Variants in TKT observed in about 807,000 individuals in gnomAD.
TKT encodes the protein transketolase.
Under a neutral mutation model 63.9 loss-of-function variants are expected in TKT, and 47 were observed. That is an observed-to-expected ratio of 0.74 (90% CI 0.58 to 0.94). The LOEUF (loss-of-function observed/expected upper bound fraction) is 0.94. Among genes scored for constraint, TKT ranks in the 40% least tolerant of loss-of-function variants. TKT has a pLI of 0.00. For synonymous variants in TKT, 338 were observed against 334.1 expected, an observed-to-expected ratio of 1.01 and a Z score of -0.13; for missense variants, 721 against 846.2, an observed-to-expected ratio of 0.85 and a Z score of 1.84.
chr3:53,230,766 G>A (rs1455746836), intron 7 of TKT, 145 bp from the exon 8 acceptor site: 51 of 1,007,142 alleles, frequency 5.1e-5, no homozygotes, highest in Non-Finnish European at 6.8e-5. Context: ...GCTTTTAACT[G>A]CTGAAAGGTT....
chr3:53,244,649 T>G (rs542195191), intron 1 of TKT, among the ~76,000 whole-genome samples: 1 of 152,242 alleles, frequency 6.6e-6, no homozygotes, highest in East Asian at 1.9e-4. Flanking sequence ...TAGCGGGCCT[T>G]TGGGGCCAAA....
intron 1 of TKT, among the ~76,000 whole-genome samples, chr3:53,249,501 GAACCT>G (rs1315210542): frequency 2.6e-5 from 4 of 152,000 alleles, no homozygotes; most frequent in Non-Finnish European, 2.9e-5. Context: ...AAAATCGCTT[GAACCT>G]AGGATGTGGA....
chr3:53,239,808 C>T (rs1705192179), intron 4 of TKT, among the ~76,000 whole-genome samples: 1 of 152,228 alleles, frequency 6.6e-6, no homozygotes, highest in Non-Finnish European at 1.5e-5. Context: ...AACATACAAC[C>T]CTCCCCTTTA....
At chr3:53,252,330 A>AGACT (rs1172079666) in intron 1 of TKT, among the ~76,000 whole-genome samples, 1 of 152,230 alleles carries the variant, frequency 6.6e-6, no homozygotes, top group Non-Finnish European at 1.5e-5. Flanking sequence ...AAGAAACAGA[A>AGACT]GACTACCTGT....
At chr3:53,236,908 A>G (rs1415335604) in intron 4 of TKT, among the ~76,000 whole-genome samples, 1 of 152,198 alleles carries the variant, frequency 6.6e-6, no homozygotes. Flanking sequence ...CTGAGCTGTT[A>G]GAGTTAGGGG....
At chr3:53,233,804 T>C (rs1704881780) in intron 5 of TKT, 2 of 152,282 alleles carry the variant, frequency 1.3e-5, no homozygotes, top group Admixed American at 6.5e-5. Flanking sequence ...TTTTGGGGAC[T>C]CTTTTTGACA....
At chr3:53,232,990 A>AGCCACAG in intron 6 of TKT, 166 bp downstream of exon 6, 1 of 616,462 alleles carries the variant, frequency 1.6e-6, no homozygotes, top group South Asian at 2.0e-5. Flanking sequence ...ATCCTGGCTC[A>AGCCACAG]GCCACAGGGG....
At position 53,228,138 on chromosome 3, in the gene TKT, C is replaced by T; in HGVS notation, c.1491G>A (p.Lys497=). The T allele has an allele frequency of 6.2e-7, 1 of 1,614,088 alleles. No homozygotes were observed. Residue 497 remains lysine (K), a synonymous_variant, in exon 12 of 14, where the codon AAG becomes AAA. Coordinates refer to ENST00000462138, the MANE Select transcript of TKT (RefSeq NM_001064.4). ...FQVGQAKVVL[K]SKDDQVTVIG... is the part of the protein sequence containing the mutation. ...TAACGGTCACCTGGTCATCCTTGCT[C>T]TTCAGGACCACCTGGGGGTGACACA...
At chr3:53,247,934 T>C (rs539928444) in intron 1 of TKT, among the ~76,000 whole-genome samples, 1 of 152,192 alleles carries the variant, frequency 6.6e-6, no homozygotes, top group Admixed American at 6.6e-5. Flanking sequence ...TACAAGCTCC[T>C]TGAGGACAGA....
At chr3:53,255,762 C>T in intron 1 of TKT, 74 bp downstream of exon 1, 1 of 1,040,076 alleles carries the variant, frequency 9.6e-7, no homozygotes. Context: ...ACCCAGAGCC[C>T]GCGGCGACTC....
At chr3:53,232,041 G>A (rs1704788101) in intron 6 of TKT, 2 of 302,802 alleles carry the variant, frequency 6.6e-6, no homozygotes, top group South Asian at 1.4e-4. Flanking sequence ...AGCAGCAGAG[G>A]AGTCTATAAG....
chr3:53,243,980 C>T (rs1307402151), intron 1 of TKT, among the ~76,000 whole-genome samples: 1 of 152,048 alleles, frequency 6.6e-6, no homozygotes, highest in East Asian at 1.9e-4. Context: ...GTCCCATTGG[C>T]CACCAGAAGG....
chr3:53,231,510 G>T lies in TKT; in HGVS notation c.789C>A (p.Pro263=). The T allele has an allele frequency of 6.2e-7, 1 of 1,614,120 alleles. No individual in the cohort carries two copies. Among genetic ancestry groups the T allele is most frequent in the Non-Finnish European group, 8.5e-7 (1 of 1,180,004 alleles). ...GGATGATCTGCTCAGCCATGTTTTT[G>T]GGGAGGGGCTTCCCATGCCAAGACT... ...DKESWHGKPL[P]KNMAEQIIQE... The change falls in exon 7 of 14, where the codon CCC becomes CCA. Residue 263 remains proline (P), a synonymous_variant. Coordinates refer to ENST00000462138, the MANE Select transcript of TKT (RefSeq NM_001064.4).
intron 1 of TKT, among the ~76,000 whole-genome samples, 165 bp downstream of exon 1, chr3:53,255,671 G>C (rs961723566): frequency 8.5e-5 from 13 of 152,102 alleles, no homozygotes; most frequent in African/African-American, 3.1e-4. Context: ...GCCGCCTGCA[G>C]CCCGGGGCCC....
In TKT at chr3:53,249,624, A is replaced by G. The variant is rs955741962; in HGVS notation, c.107+6212T>C. On this transcript the variant is annotated intron_variant, in intron 1 of 13. Transcript: ENST00000462138. ...GAAGAAAAAGGTGCTAGGAGAGCTC[A>G]GTAGAGGAAGTTCTTGGGCGTCCAC... Among the ~76,000 whole-genome samples the G allele has an allele frequency of 3.9e-5, 6 of 152,286 alleles. No individual in the cohort carries two copies. In the East Asian group the frequency reaches 1.2e-3, roughly 30 times the overall value.
In TKT at chr3:53,228,914, CT is replaced by C. The variant is rs547520643; in HGVS notation, c.1395+92del. ...CAGGGGCAAGGTCAGGAAACACCCCCTGGGGCAGCAAGTGACCAGCTCTGGC... is the reference window on the plus strand; with the variant it reads ...CAGGGGCAAGGTCAGGAAACACCCCCGGGGCAGCAAGTGACCAGCTCTGGC... On this transcript the variant is annotated intron_variant, in intron 10 of 13. Transcript: ENST00000462138. 211 of 1,548,090 alleles carry C rather than the reference CT, an allele frequency of 1.4e-4. 9 individuals are homozygous for C. In the South Asian group the frequency reaches 2.5e-3, roughly 19 times the overall value.
chr3:53,252,035 G>A (rs2106733622), intron 1 of TKT, among the ~76,000 whole-genome samples: 1 of 152,336 alleles, frequency 6.6e-6, no homozygotes, highest in East Asian at 1.9e-4. Flanking sequence ...AGCTACTTGG[G>A]AGGCTGAGGC....
intron 6 of TKT, chr3:53,231,767 C>T: frequency 1.8e-6 from 1 of 560,896 alleles, no homozygotes; most frequent in Non-Finnish European, 3.1e-6. Context: ...CTGTCTACTG[C>T]CTGGTCCTTT....
In TKT at chr3:53,231,634, C is replaced by T. The variant is rs1030668309; in HGVS notation, c.749-84G>A. 7.9e-5 allele frequency: 111 copies of T among 1,410,558 alleles called. No homozygotes were observed. In the Middle Eastern group the frequency reaches 1.3e-3, roughly 16 times the overall value. 87.4% of individuals were successfully genotyped at this position (1,410,558 alleles called of 1,614,324 possible). A position where few individuals can be genotyped will look rare whatever the true frequency, so the allele number is the denominator to read the frequency against. ...AGGAGGCTGCTCCAGGAGACTGGCC[C>T]TCTACCTGCCGAGGGCAAGGGAGGA... On this transcript the variant is annotated intron_variant, in intron 6 of 13. Coordinates refer to ENST00000462138, the MANE Select transcript of TKT (RefSeq NM_001064.4).
Sources: allele counts gnomAD v4.1 joint callset (sites outside exome capture counted in the v4.1 genomes callset), GRCh38; gene constraint gnomAD v4.1.1; transcripts MANE v1.5; gene names NCBI Gene and HGNC (gene_info 2026-07-23, HGNC 2026-07-21).